Variants in GNB1L observed in about 807,000 individuals in gnomAD.
GNB1L encodes the protein guanine nucleotide-binding protein subunit beta-like protein 1.
GNB1L carries 20 observed loss-of-function variants against 29.1 expected under a neutral mutation model. The ratio of observed to expected loss-of-function variants is 0.69; its 90% CI spans 0.48 to 1.00. GNB1L has a LOEUF of 1.00. Among genes scored for constraint, GNB1L ranks in the 50% least tolerant of loss-of-function variants. The probability of loss-of-function intolerance (pLI) is 0.00; values close to 1 mark genes in which losing one functional copy is unlikely to be tolerated. For synonymous variants in GNB1L, 193 were observed against 206.5 expected, an observed-to-expected ratio of 0.93 and a Z score of 0.56; for missense variants, 421 against 464.9, an observed-to-expected ratio of 0.91 and a Z score of 0.87.
At chr22:19,805,401 T>C (rs563831411) in intron 6 of GNB1L, among the ~76,000 whole-genome samples, 1 of 152,290 alleles carries the variant, frequency 6.6e-6, no homozygotes, top group African/African-American at 2.4e-5. Context: ...CCGGTCTCGC[T>C]CTCATGAGGA....
chr22:19,850,827 T>G (rs1601357344), intron 2 of GNB1L: 3 of 1,290,774 alleles, frequency 2.3e-6, no homozygotes, highest in Admixed American at 3.7e-5. Context: ...TTTATGGGGG[T>G]GGAGGTGACA....
At position 19,783,493 on chromosome 22, in the gene GNB1L, T is replaced by C; in HGVS notation, c.*5216A>G. Reference sequence around the variant, plus strand: ...TGAGCCTATTAGTTGGAGGCTGCAGTAAGCTATGATCATGCCACTGCACTC... The same window carrying C: ...TGAGCCTATTAGTTGGAGGCTGCAGCAAGCTATGATCATGCCACTGCACTC... On this transcript the variant is annotated 3_prime_UTR_variant, in exon 8 of 8. Coordinates refer to ENST00000329517, the MANE Select transcript of GNB1L (RefSeq NM_053004.3). The C allele has an allele frequency of 3.9e-6, 1 of 259,626 alleles. No homozygotes were observed. Among genetic ancestry groups the C allele is most frequent in the South Asian group, 4.4e-5 (1 of 22,758 alleles). The allele number at this position is 259,626 out of a possible 1,614,324, so 16.1% of individuals were successfully genotyped here.
chr22:19,795,091 C>A (rs1024714746), intron 7 of GNB1L, among the ~76,000 whole-genome samples: 2 of 152,080 alleles, frequency 1.3e-5, no homozygotes, highest in African/African-American at 2.4e-5. Context: ...AAAGGGCAAA[C>A]CTAAGAAAGT....
At chr22:19,842,823 G>A (rs1937885180) in intron 2 of GNB1L, among the ~76,000 whole-genome samples, 1 of 152,182 alleles carries the variant, frequency 6.6e-6, no homozygotes, top group Non-Finnish European at 1.5e-5. Context: ...CCTGGCCTGG[G>A]AAGGACCTAA....
intron 2 of GNB1L, chr22:19,846,452 CCCCAGAA>C: frequency 1.0e-6 from 1 of 985,228 alleles, no homozygotes; most frequent in Non-Finnish European, 1.2e-6. Context: ...TCAGTATGGG[CCCCAGAA>C]CCCAGGGCCT....
Position 19,788,850 on chromosome 22 carries a change from G to A in GNB1L, c.843C>T (p.His281=). 4 of 1,612,868 alleles carry A rather than the reference G, an allele frequency of 2.5e-6. No homozygotes were observed. The highest frequency in any genetic ancestry group is 3.4e-6 in the Non-Finnish European group (4 of 1,179,956). ...CGGCCAGTGGCTGCATCGTCCGCCA[G>A]TGGAACACGCGGATGCGGTGGTCCC... is the stretch of plus-strand genomic sequence containing the variant. ...AGWDHRIRVF[H]WRTMQPLAVL... Residue 281 remains histidine (H), a synonymous_variant, in exon 8 of 8, where the codon CAC becomes CAT. Transcript: ENST00000329517.
At chr22:19,852,994 C>G (rs943168119) in intron 2 of GNB1L, among the ~76,000 whole-genome samples, 5 of 152,194 alleles carry the variant, frequency 3.3e-5, no homozygotes, top group Non-Finnish European at 7.3e-5. Context: ...CTCTGAACAA[C>G]GCACAGACCG....
In GNB1L at chr22:19,848,154, C is replaced by T. The variant is rs1938010181; in HGVS notation, c.-21+6289G>A. 3 of 985,138 alleles carry T rather than the reference C, an allele frequency of 3.0e-6. No homozygotes were observed. In the African/African-American group the frequency reaches 5.2e-5, roughly 17 times the overall value. The allele number at this position is 985,138 out of a possible 1,614,324, so 61.0% of individuals were successfully genotyped here. A position where few individuals can be genotyped will look rare whatever the true frequency, so the allele number is the denominator to read the frequency against. On this transcript the variant is annotated intron_variant, in intron 2 of 7. Transcript: ENST00000329517. ...ACTTCCTATTTTAAAGTTTTCCTTG[C>T]AGACAGGTACTTTAAATACCATCTC...
At chr22:19,821,105 C>A in intron 3 of GNB1L, 123 bp downstream of exon 3, 1 of 950,146 alleles carries the variant, frequency 1.1e-6, no homozygotes, top group Non-Finnish European at 1.6e-6. Context: ...GCTCAGCAAG[C>A]CTGGGTGGCG....
rs1208860950 is a variant in GNB1L at position 19,786,484 on chromosome 22, A to C, written c.*2225T>G. ...ACTCGCCAACCTCATGCTGGCATGC[A>C]CACCTGGGCCCTCATGTGGGATACC... On this transcript the variant is annotated 3_prime_UTR_variant, in exon 8 of 8. Transcript: ENST00000329517. The C allele has an allele frequency of 2.6e-5, 4 of 152,394 alleles. No individual in the cohort carries two copies. The highest frequency in any genetic ancestry group is 7.2e-5 in the African/African-American group (3 of 41,452). The allele number at this position is 152,394 out of a possible 1,614,324, so 9.4% of individuals were successfully genotyped here. A position where few individuals can be genotyped will look rare whatever the true frequency, so the allele number is the denominator to read the frequency against.
intron 7 of GNB1L, 78 bp downstream of exon 7, chr22:19,801,923 A>T: frequency 8.3e-7 from 1 of 1,209,652 alleles, no homozygotes; most frequent in Non-Finnish European, 1.2e-6. Flanking sequence ...ACTCCTCTTC[A>T]TGCCTAAATA....
intron 7 of GNB1L, among the ~76,000 whole-genome samples, chr22:19,799,657 G>A (rs1937346456): frequency 6.6e-6 from 1 of 152,236 alleles, no homozygotes; most frequent in African/African-American, 2.4e-5. Flanking sequence ...TTCGGCAGGA[G>A]GGTGTGAGGG....
chr22:19,798,615 C>A (rs1474008758), intron 7 of GNB1L, among the ~76,000 whole-genome samples: 1 of 149,796 alleles, frequency 6.7e-6, no homozygotes, highest in Admixed American at 6.6e-5. Flanking sequence ...TTCCTCCTGC[C>A]CAGCTCCTGC....
At chr22:19,803,587 C>T (rs938021474) in intron 6 of GNB1L, among the ~76,000 whole-genome samples, 1 of 152,224 alleles carries the variant, frequency 6.6e-6, no homozygotes, top group African/African-American at 2.4e-5. Context: ...ATGAGGCGTG[C>T]AGGGACCCAC....
In GNB1L at chr22:19,800,939, G is replaced by A. The variant is rs543278570; in HGVS notation, c.732+1062C>T. On this transcript the variant is annotated intron_variant, in intron 7 of 7. Transcript: ENST00000329517. ...GGTGAACCCTCCCCGCCCCACAGGG[G>A]CCAGGGCTGGGCAAGCGTGAGGCGC... Among the ~76,000 whole-genome samples the A allele has an allele frequency of 9.1e-4, 138 of 152,356 alleles. 1 individual carries two copies. Among genetic ancestry groups the A allele is most frequent in the Non-Finnish European group, 2.9e-5 (2 of 68,024 alleles).
At chr22:19,797,725 C>A (rs1601321284) in intron 7 of GNB1L, among the ~76,000 whole-genome samples, 1 of 152,344 alleles carries the variant, frequency 6.6e-6, no homozygotes, top group African/African-American at 2.4e-5. Context: ...CCTACCTCAA[C>A]ACCAGCTTGT....
intron 2 of GNB1L, among the ~76,000 whole-genome samples, chr22:19,841,469 CAAAT>C (rs1216984079): frequency 2.0e-5 from 3 of 152,008 alleles, no homozygotes; most frequent in African/African-American, 7.3e-5. Context: ...TCTCTACAAA[CAAAT>C]AATTTAAAAA....
rs541209554 is a variant in GNB1L at position 19,787,601 on chromosome 22, G to A, written c.*1108C>T. 6.6e-6 allele frequency: 1 copy of A among 152,430 alleles called. No homozygotes were observed. The highest frequency in any genetic ancestry group is 2.1e-4 in the South Asian group (1 of 4,832). 9.4% of individuals were successfully genotyped at this position (152,430 alleles called of 1,614,324 possible). A position where few individuals can be genotyped will look rare whatever the true frequency, so the allele number is the denominator to read the frequency against. On this transcript the variant is annotated 3_prime_UTR_variant, in exon 8 of 8. Coordinates refer to ENST00000329517, the MANE Select transcript of GNB1L (RefSeq NM_053004.3). Reference sequence around the variant, plus strand: ...TCTAGTTCTAGGACTAGAAGCCCAGGTGGGGGTCCCAAGGAGCATCGGCAG... The same window carrying A: ...TCTAGTTCTAGGACTAGAAGCCCAGATGGGGGTCCCAAGGAGCATCGGCAG...
chr22:19,798,168 G>A (rs189378359), intron 7 of GNB1L, among the ~76,000 whole-genome samples: 2,104 of 152,264 alleles, frequency 0.014, 22 homozygotes, highest in Non-Finnish European at 0.023. Context: ...CACCTGCTGC[G>A]CGGGGCCGTC....
Sources: allele counts gnomAD v4.1 joint callset (sites outside exome capture counted in the v4.1 genomes callset), GRCh38; gene constraint gnomAD v4.1.1; transcripts MANE v1.5; gene names NCBI Gene and HGNC (gene_info 2026-07-23, HGNC 2026-07-21).